BCAR3: variants seen among roughly 807,000 people sequenced by gnomAD.
BCAR3 encodes BCAR3 adaptor protein, NSP family member.
In BCAR3, 37 loss-of-function variants were observed where a neutral mutation model predicts 80.1. The ratio of observed to expected loss-of-function variants is 0.46; its 90% CI spans 0.36 to 0.61. The LOEUF (loss-of-function observed/expected upper bound fraction) is 0.61. Ranked by LOEUF, BCAR3 falls within the 20% of genes least tolerant of loss-of-function variation. The pLI is 0.00. For synonymous variants in BCAR3, 389 were observed against 418.9 expected, an observed-to-expected ratio of 0.93 and a Z score of 0.87; for missense variants, 978 against 1,068.2, an observed-to-expected ratio of 0.92 and a Z score of 1.18.
upstream of BCAR3, among the ~76,000 whole-genome samples, chr1:93,684,825 G>T (rs921839305): frequency 1.3e-5 from 2 of 152,170 alleles, no homozygotes; most frequent in Non-Finnish European, 2.9e-5. Flanking sequence ...CGCCTCCTGG[G>T]TTCAAGCAAT....
chr1:93,681,796 C>T lies in BCAR3; in HGVS notation c.-210G>A, dbSNP rs1042365626. The T allele has an allele frequency of 6.6e-6, 1 of 152,096 alleles. No homozygotes were observed. Among genetic ancestry groups the T allele is most frequent in the Admixed American group, 6.5e-5 (1 of 15,270 alleles). The allele number at this position is 152,096 out of a possible 1,614,324, so 9.4% of individuals were successfully genotyped here. A position where few individuals can be genotyped will look rare whatever the true frequency, so the allele number is the denominator to read the frequency against. ...TGCGCCCCGCAGCTCCGGCTCCGGT[C>T]CCGGCCCCGTCCCCCGCCCGGCCAG... On this transcript the variant is annotated 5_prime_UTR_variant, in exon 1 of 12. Coordinates refer to ENST00000260502, the MANE Select transcript of BCAR3 (RefSeq NM_003567.4).
rs767917403 is a variant in BCAR3 at position 93,567,298 on chromosome 1, A to G, written c.2280T>C (p.Asn760=). The change falls in exon 11 of 12, where the codon AAT becomes AAC. Residue 760 remains asparagine, a synonymous_variant. Coordinates refer to ENST00000260502, the MANE Select transcript of BCAR3 (RefSeq NM_003567.4). The stretch of plus-strand genomic sequence containing the variant: ...TCTTACCTGCCAGGATCCTCTCAGC[A>G]TTCATCCGGTAGCTGTCTGCAGCCT... ...MAEAADSYRM[N]AERILAGFQP... 3.7e-6 allele frequency: 6 copies of G among 1,614,094 alleles called. No individual in the cohort carries two copies. The highest frequency in any genetic ancestry group is 4.2e-6 in the Non-Finnish European group (5 of 1,180,024).
At chr1:93,757,108 T>C (rs1411186258) in intron 2 of BCAR3, among the ~76,000 whole-genome samples, 1 of 152,296 alleles carries the variant, frequency 6.6e-6, no homozygotes, top group South Asian at 2.1e-4. Context: ...CTGGGTCTGA[T>C]GGGCAGGTTA....
intron 2 of BCAR3, among the ~76,000 whole-genome samples, chr1:93,667,424 C>T (rs1339078655): frequency 6.6e-6 from 1 of 152,202 alleles, no homozygotes; most frequent in Non-Finnish European, 1.5e-5. Flanking sequence ...TTTACGCTCC[C>T]ACTTTATGGT....
intron 2 of BCAR3, among the ~76,000 whole-genome samples, chr1:93,752,283 C>T (rs1032533848): frequency 1.3e-5 from 2 of 152,208 alleles, no homozygotes; most frequent in Admixed American, 1.3e-4. Context: ...AGGGCTATGA[C>T]TACCCAACTA....
intron 2 of BCAR3, among the ~76,000 whole-genome samples, chr1:93,752,669 G>C (rs964424490): frequency 2.6e-5 from 4 of 152,234 alleles, no homozygotes; most frequent in African/African-American, 7.2e-5. Context: ...AAGTGTTGGA[G>C]AGGGGTGATC....
intron 3 of BCAR3, chr1:93,613,719 C>G: frequency 8.3e-7 from 1 of 1,199,688 alleles, no homozygotes; most frequent in South Asian, 1.5e-5. Flanking sequence ...ACCCATCAGT[C>G]AAAGAAAGCA....
Position 93,567,865 on chromosome 1 carries a change from G to A in BCAR3, c.1975-14C>T. The A allele has an allele frequency of 6.2e-7, 1 of 1,602,488 alleles. No individual in the cohort carries two copies. The highest frequency in any genetic ancestry group is 8.6e-7 in the Non-Finnish European group (1 of 1,169,472). On this transcript the variant is annotated splice_polypyrimidine_tract_variant and intron_variant, in intron 9 of 11. Transcript: ENST00000260502. Reference sequence around the variant, plus strand: ...TAACCTTGTGATCTGGAAGAAAGGTGGTGTTTTGGAAAAGGTTCTTTTTAA... The same window carrying A: ...TAACCTTGTGATCTGGAAGAAAGGTAGTGTTTTGGAAAAGGTTCTTTTTAA...
chr1:93,610,929 AAAAG>A (rs965084729), intron 3 of BCAR3, among the ~76,000 whole-genome samples: 2 of 152,088 alleles, frequency 1.3e-5, no homozygotes, highest in Non-Finnish European at 2.9e-5. Flanking sequence ...TCAAAAAAAA[AAAAG>A]AAAGAGCACT....
chr1:93,725,156 C>G (rs1650536448), intron 2 of BCAR3, among the ~76,000 whole-genome samples: 1 of 152,220 alleles, frequency 6.6e-6, no homozygotes. Flanking sequence ...CATGTGTAAG[C>G]TCACAGAGGC....
intron 2 of BCAR3, among the ~76,000 whole-genome samples, chr1:93,727,649 G>A (rs759283610): frequency 6.6e-6 from 1 of 152,100 alleles, no homozygotes; most frequent in African/African-American, 2.4e-5. Context: ...CATTACAGAA[G>A]TTATACATGC....
In BCAR3 at chr1:93,565,357, C is replaced by T. The variant is rs551155550; in HGVS notation, c.2299+1922G>A. On this transcript the variant is annotated intron_variant, in intron 11 of 11. Coordinates refer to ENST00000260502, the MANE Select transcript of BCAR3 (RefSeq NM_003567.4). The stretch of plus-strand genomic sequence containing the variant: ...CTGGGAATACAGGCATGAGCCACTG[C>T]GCCCGGCCCCCAGATGGTGACTCCT... Among the ~76,000 whole-genome samples the T allele has an allele frequency of 7.7e-4, 115 of 149,402 alleles. 1 individual carries two copies. The highest frequency in any genetic ancestry group is 5.5e-3 in the Admixed American group (82 of 14,866).
chr1:93,580,450 G>A (rs866024138), intron 7 of BCAR3, among the ~76,000 whole-genome samples: 1 of 151,070 alleles, frequency 6.6e-6, no homozygotes, highest in Non-Finnish European at 1.5e-5. Context: ...AATACAGTCA[G>A]CCCTCCTTAT....
chr1:93,672,356 G>C (rs1349345820), intron 2 of BCAR3, among the ~76,000 whole-genome samples: 7 of 148,620 alleles, frequency 4.7e-5, no homozygotes. Flanking sequence ...GTTTCCCTTT[G>C]TAAGAGCTGG....
intron 2 of BCAR3, among the ~76,000 whole-genome samples, chr1:93,769,458 G>A (rs978128911): frequency 1.4e-4 from 20 of 147,788 alleles, no homozygotes; most frequent in Non-Finnish European, 2.7e-4. Flanking sequence ...GCAATGTGAT[G>A]GAAATAGTTA....
intron 2 of BCAR3, among the ~76,000 whole-genome samples, chr1:93,672,344 G>A (rs1648254077): frequency 6.6e-6 from 1 of 152,020 alleles, no homozygotes; most frequent in African/African-American, 2.4e-5. Context: ...CCCTAGTGTG[G>A]AGTTTCCCTT....
At chr1:93,606,049 C>T (rs193161413) in intron 3 of BCAR3, among the ~76,000 whole-genome samples, 92 of 152,322 alleles carry the variant, frequency 6.0e-4, no homozygotes, top group African/African-American at 2.0e-3. Flanking sequence ...AAGTACGCAG[C>T]AGGCTTGCAG....
chr1:93,810,961 T>A (rs931219504), intron 2 of BCAR3, among the ~76,000 whole-genome samples: 2 of 152,228 alleles, frequency 1.3e-5, no homozygotes, highest in African/African-American at 4.8e-5. Flanking sequence ...CAGGCCAGTG[T>A]CTTTTGTCTC....
At chr1:93,777,396 TTCCTCTTCC>T (rs1207476384) in intron 2 of BCAR3, among the ~76,000 whole-genome samples, 3 of 122,916 alleles carry the variant, frequency 2.4e-5, no homozygotes, top group African/African-American at 3.8e-5. Context: ...CTTCCTCTTC[TTCCTCTTCC>T]TCCTCCTCTT....
Sources: gnomAD v4.1 joint callset for allele counts (sites outside exome capture counted in the v4.1 genomes callset) on GRCh38, gnomAD v4.1.1 for gene constraint, MANE v1.5 for transcripts, NCBI Gene and HGNC (gene_info 2026-07-23, HGNC 2026-07-21) for gene names.